Variants in EVA1A observed in about 807,000 individuals in gnomAD.
EVA1A encodes protein eva-1 homolog A.
In EVA1A, 7 loss-of-function variants were observed where a neutral mutation model predicts 9.8. The observed-to-expected ratio is 0.71, with a 90% CI of 0.41 to 1.34. The LOEUF (loss-of-function observed/expected upper bound fraction) is 1.34, where lower values mean the gene tolerates loss of function less well. Among genes scored for constraint, EVA1A ranks in the 40% most tolerant of loss-of-function variants. The pLI is 0.01. For synonymous variants in EVA1A, 90 were observed against 85.6 expected, an observed-to-expected ratio of 1.05 and a Z score of -0.28; for missense variants, 206 against 205.9, an observed-to-expected ratio of 1.00 and a Z score of 0.00.
chr2:75,561,929 A>T (rs1572998553), upstream of EVA1A, among the ~76,000 whole-genome samples: 1 of 151,472 alleles, frequency 6.6e-6, no homozygotes, highest in Non-Finnish European at 1.5e-5. Flanking sequence ...GAGAGAGGTG[A>T]CTCCCAGGCC....
At chr2:75,534,317 C>A (rs948114601) in intron 1 of EVA1A, among the ~76,000 whole-genome samples, 1 of 151,916 alleles carries the variant, frequency 6.6e-6, no homozygotes, top group Non-Finnish European at 1.5e-5. Flanking sequence ...TGGAGTAGGG[C>A]AAAGGGAAGC....
chr2:75,498,801 CTT>C (rs35246724), intron 3 of EVA1A, among the ~76,000 whole-genome samples: 9,434 of 147,218 alleles, frequency 0.064, 768 homozygotes, highest in African/African-American at 0.19. Context: ...CCACACACAC[CTT>C]TTTTTTTTTT....
At chr2:75,500,461 G>A (rs185365789) in intron 3 of EVA1A, among the ~76,000 whole-genome samples, 5 of 152,256 alleles carry the variant, frequency 3.3e-5, no homozygotes, top group Admixed American at 2.6e-4. Flanking sequence ...AAATAGAACT[G>A]TCACTGAATC....
At chr2:75,564,460 G>GCTC (rs2104005392), upstream of EVA1A, among the ~76,000 whole-genome samples, 1 of 152,344 alleles carries the variant, frequency 6.6e-6, no homozygotes, top group African/African-American at 2.4e-5. Context: ...TGCCAGCAGA[G>GCTC]TGCACAGGGC....
upstream of EVA1A, among the ~76,000 whole-genome samples, chr2:75,565,848 A>G (rs1267476756): frequency 1.3e-5 from 2 of 152,216 alleles, no homozygotes; most frequent in Non-Finnish European, 2.9e-5. Context: ...GGAGGCCGAA[A>G]ATTTTTTTTC....
At chr2:75,552,758 G>A (rs1253611941) in intron 1 of EVA1A, among the ~76,000 whole-genome samples, 2 of 152,168 alleles carry the variant, frequency 1.3e-5, no homozygotes, top group African/African-American at 4.8e-5. Flanking sequence ...GAGGCTCAGA[G>A]ACATTTGCTA....
At chr2:75,495,707 A>G (rs1674187776) in intron 3 of EVA1A, among the ~76,000 whole-genome samples, 1 of 152,190 alleles carries the variant, frequency 6.6e-6, no homozygotes, top group African/African-American at 2.4e-5. Flanking sequence ...AATCTCAGAA[A>G]TCACCACTGA....
At chr2:75,565,928 C>T (rs930456297), upstream of EVA1A, among the ~76,000 whole-genome samples, 1 of 152,146 alleles carries the variant, frequency 6.6e-6, no homozygotes, top group Non-Finnish European at 1.5e-5. Context: ...AAAATGTATA[C>T]TTGTTTAAAA....
chr2:75,568,406 T>A (rs959561563), intron 1 of EVA1A, among the ~76,000 whole-genome samples: 4 of 150,876 alleles, frequency 2.7e-5, no homozygotes, highest in Non-Finnish European at 5.9e-5. Flanking sequence ...AAATAAATAA[T>A]TATTAAATAA....
upstream of EVA1A, among the ~76,000 whole-genome samples, chr2:75,561,672 C>T (rs567102201): frequency 7.2e-5 from 11 of 152,028 alleles, no homozygotes; most frequent in African/African-American, 2.7e-4. Context: ...AGATGGGTCA[C>T]GGAGTGAAAG....
At position 75,498,817 on chromosome 2, in the gene EVA1A, A is replaced by T. The variant is rs1245592336; in HGVS notation, c.86-5208T>A. ...CACACACACCTTTTTTTTTTTTTTT[A>T]AAAAGATGGTCTTCTCAGACTCATT... On this transcript the variant is annotated intron_variant, in intron 3 of 3. Transcript: ENST00000393913. Among the ~76,000 whole-genome samples the T allele has an allele frequency of 2.0e-4, 30 of 146,880 alleles. No homozygotes were observed. In the South Asian group the frequency reaches 3.2e-3, roughly 16 times the overall value.
chr2:75,498,398 G>A (rs1378147310), intron 3 of EVA1A, among the ~76,000 whole-genome samples: 2 of 152,118 alleles, frequency 1.3e-5, no homozygotes, highest in East Asian at 3.9e-4. Flanking sequence ...CCACCTAAGT[G>A]ATGGGATCAT....
Position 75,499,354 on chromosome 2 carries a change from G to A in EVA1A, c.86-5745C>T, listed in dbSNP as rs75244437. On this transcript the variant is annotated intron_variant, in intron 3 of 3. Transcript: ENST00000393913. ...CGAGTGAAATAATGGAAGTGGGCAT[G>A]AGGCACCACTGGGGCAATCTCAGAG... is the stretch of plus-strand genomic sequence containing the variant. Among the ~76,000 whole-genome samples the A allele has an allele frequency of 3.5e-4, 53 of 152,286 alleles. 1 individual carries two copies. In the East Asian group the frequency reaches 9.8e-3, roughly 28 times the overall value.
intron 3 of EVA1A, among the ~76,000 whole-genome samples, chr2:75,504,801 T>TG (rs1228724074): frequency 6.5e-5 from 2 of 30,862 alleles, no homozygotes; most frequent in African/African-American, 1.2e-4. Flanking sequence ...TGTCGGGGGG[T>TG]GGGGGGCAAG....
intron 3 of EVA1A, among the ~76,000 whole-genome samples, chr2:75,498,816 T>A (rs12996710): frequency 0.16 from 21,934 of 140,440 alleles, 1,694 homozygotes; most frequent in Middle Eastern, 0.17. Flanking sequence ...TTTTTTTTTT[T>A]AAAAAGATGG....
chr2:75,509,826 G>A (rs1674748413), intron 3 of EVA1A, among the ~76,000 whole-genome samples: 1 of 151,914 alleles, frequency 6.6e-6, no homozygotes, highest in South Asian at 2.1e-4. Context: ...TAAAAGAGGG[G>A]AAGTTTACGT....
intron 3 of EVA1A, among the ~76,000 whole-genome samples, chr2:75,512,476 A>C (rs1230051081): frequency 6.6e-6 from 1 of 152,132 alleles, no homozygotes; most frequent in Non-Finnish European, 1.5e-5. Context: ...TAAAAGGGAG[A>C]ATTCTTGGAA....
At chr2:75,554,987 C>G (rs1019949062) in intron 1 of EVA1A, among the ~76,000 whole-genome samples, 3 of 152,212 alleles carry the variant, frequency 2.0e-5, no homozygotes, top group African/African-American at 7.2e-5. Flanking sequence ...GACTTCCATG[C>G]TAGAGCATTC....
At chr2:75,525,086 TACATACATATATAA>T in intron 1 of EVA1A, among the ~76,000 whole-genome samples, 1 of 152,238 alleles carries the variant, frequency 6.6e-6, no homozygotes, top group Non-Finnish European at 1.5e-5. Context: ...TATACTTATA[TACATACATATATAA>T]ATATACAATG....
Sources: allele counts gnomAD v4.1 joint callset (sites outside exome capture counted in the v4.1 genomes callset), GRCh38; gene constraint gnomAD v4.1.1; transcripts MANE v1.5; gene names NCBI Gene and HGNC (gene_info 2026-07-23, HGNC 2026-07-21).